The following EYA4 variants were observed in gnomAD, a reference collection of about 807,000 sequenced individuals.
EYA4 encodes protein phosphatase EYA4.
In EYA4, 31 loss-of-function variants were observed where a neutral mutation model predicts 87.9. The observed-to-expected ratio is 0.35, with a 90% CI of 0.27 to 0.48. The LOEUF (loss-of-function observed/expected upper bound fraction) is 0.48. Among genes scored for constraint, EYA4 ranks in the 20% least tolerant of loss-of-function variants. The probability of loss-of-function intolerance (pLI) is 0.99; values close to 1 mark genes in which losing one functional copy is unlikely to be tolerated. For missense variants in EYA4, 678 were observed against 761.4 expected (o/e 0.89, Z 1.29); for synonymous variants, 263 against 270.6 (o/e 0.97, Z 0.28).
intron 16 of EYA4, among the ~76,000 whole-genome samples, chr6:133,513,958 T>C (rs1452833210): frequency 6.6e-6 from 1 of 152,158 alleles, no homozygotes; most frequent in Non-Finnish European, 1.5e-5. Flanking sequence ...TGTTCATATA[T>C]AGTATATAAT....
At chr6:133,330,977 T>C (rs368380691) in intron 2 of EYA4, among the ~76,000 whole-genome samples, 2 of 151,812 alleles carry the variant, frequency 1.3e-5, no homozygotes, top group South Asian at 4.1e-4. Context: ...AATAAACAAA[T>C]TCTGGTTTTC....
intron 2 of EYA4, among the ~76,000 whole-genome samples, chr6:133,358,746 C>CA (rs1345848747): frequency 6.6e-6 from 1 of 152,124 alleles, no homozygotes; most frequent in East Asian, 1.9e-4. Context: ...GAAAAATGGA[C>CA]ATACAGAGTG....
chr6:133,417,656 AT>A (rs1562396605), intron 3 of EYA4, among the ~76,000 whole-genome samples: 1 of 152,128 alleles, frequency 6.6e-6, no homozygotes, highest in Non-Finnish European at 1.5e-5. Context: ...TGTATTGGAT[AT>A]TCATAACATG....
At chr6:133,464,747 C>T (rs1213890819) in intron 9 of EYA4, 32 bp from the exon 10 acceptor site, 16 of 1,309,150 alleles carry the variant, frequency 1.2e-5, no homozygotes, top group Non-Finnish European at 1.8e-5. Context: ...ACAAGGAATA[C>T]TTTTAAAATG....
intron 3 of EYA4, among the ~76,000 whole-genome samples, chr6:133,432,375 G>A (rs1791261295): frequency 6.6e-6 from 1 of 152,184 alleles, no homozygotes; most frequent in African/African-American, 2.4e-5. Context: ...ACTGAACACA[G>A]GGCTGAGCTC....
At chr6:133,256,306 G>A (rs1487618902) in intron 1 of EYA4, among the ~76,000 whole-genome samples, 1 of 151,544 alleles carries the variant, frequency 6.6e-6, no homozygotes, top group African/African-American at 2.4e-5. Context: ...CAAATGTTAG[G>A]AAGAAATAAA....
At chr6:133,379,370 A>C (rs1472686132) in intron 2 of EYA4, among the ~76,000 whole-genome samples, 1 of 152,076 alleles carries the variant, frequency 6.6e-6, no homozygotes, top group Non-Finnish European at 1.5e-5. Flanking sequence ...AGTGTGTTCA[A>C]ATTAGGTAAA....
At chr6:133,330,762 T>G (rs1046699023) in intron 2 of EYA4, among the ~76,000 whole-genome samples, 30 of 151,984 alleles carry the variant, frequency 2.0e-4, no homozygotes, top group Non-Finnish European at 2.9e-5. Flanking sequence ...TTAAATGTTT[T>G]CACCTCTAAA....
intron 3 of EYA4, among the ~76,000 whole-genome samples, chr6:133,391,309 A>G (rs1455322160): frequency 6.8e-6 from 1 of 147,750 alleles, no homozygotes; most frequent in African/African-American, 2.5e-5. Flanking sequence ...GGCTCACCAC[A>G]ACCTCCACCT....
chr6:133,257,186 A>G (rs1015228318), intron 1 of EYA4, among the ~76,000 whole-genome samples: 5 of 152,292 alleles, frequency 3.3e-5, no homozygotes, highest in Middle Eastern at 6.8e-3. Context: ...ATATATTTCC[A>G]GAAGCACTCA....
At position 133,526,014 on chromosome 6, in the gene EYA4, T is replaced by A. The variant is rs1001762148; in HGVS notation, c.1839+760T>A. ...TTCAGAAGATCCCATGGGCCCTAAG[T>A]ATTTTAATAAGCCTTTTCATCTGGC... On this transcript the variant is annotated intron_variant, in intron 19 of 19. Coordinates refer to ENST00000355286, the MANE Select transcript of EYA4 (RefSeq NM_004100.5). The A allele has an allele frequency of 5.4e-6, 3 of 556,826 alleles. No homozygotes were observed. In the African/African-American group the frequency reaches 6.1e-5, roughly 11 times the overall value. The allele number at this position is 556,826 out of a possible 1,614,324, so 34.5% of individuals were successfully genotyped here. A position where few individuals can be genotyped will look rare whatever the true frequency, so the allele number is the denominator to read the frequency against.
chr6:133,256,383 G>A (rs1775338667), intron 1 of EYA4, among the ~76,000 whole-genome samples: 3 of 151,664 alleles, frequency 2.0e-5, no homozygotes, highest in African/African-American at 7.3e-5. Flanking sequence ...AGAATTATTA[G>A]GAGAAATGGT....
chr6:133,249,323 T>TA (rs747798580), intron 1 of EYA4, among the ~76,000 whole-genome samples: 2 of 152,200 alleles, frequency 1.3e-5, no homozygotes, highest in Non-Finnish European at 2.9e-5. Flanking sequence ...TCATAACAAA[T>TA]ATAGTTATAA....
chr6:133,260,046 T>C (rs1775669444), intron 1 of EYA4, among the ~76,000 whole-genome samples: 1 of 152,228 alleles, frequency 6.6e-6, no homozygotes, highest in Admixed American at 6.6e-5. Context: ...AACATTTTTA[T>C]GGTTCTCTTC....
At chr6:133,349,444 T>TTATGCACTTAA (rs1783464856) in intron 2 of EYA4, among the ~76,000 whole-genome samples, 1 of 152,232 alleles carries the variant, frequency 6.6e-6, no homozygotes, top group Non-Finnish European at 1.5e-5. Flanking sequence ...TTGACACATA[T>TTATGCACTTAA]TATGCACTTA....
intron 11 of EYA4, among the ~76,000 whole-genome samples, chr6:133,475,441 TAGC>T (rs1795639385): frequency 6.6e-6 from 1 of 152,070 alleles, no homozygotes; most frequent in Non-Finnish European, 1.5e-5. Flanking sequence ...TACAATACAT[TAGC>T]TAACTGAACC....
chr6:133,530,209 T>C lies in EYA4; in HGVS notation c.*1404T>C, dbSNP rs1800927707. On this transcript the variant is annotated 3_prime_UTR_variant, in exon 20 of 20. Coordinates refer to ENST00000355286, the MANE Select transcript of EYA4 (RefSeq NM_004100.5). ...CAGTAAAATAATACCTGGTTCTCCA[T>C]CTGAATACATCAATGCAGGTTCTCC... 1 of 985,440 alleles carries C rather than the reference T, an allele frequency of 1.0e-6. No individual in the cohort carries two copies. Among genetic ancestry groups the C allele is most frequent in the Non-Finnish European group, 1.2e-6 (1 of 829,926 alleles). 61.0% of individuals were successfully genotyped at this position (985,440 alleles called of 1,614,324 possible).
chr6:133,502,931 C>CAGTT (rs1207160396), intron 13 of EYA4, among the ~76,000 whole-genome samples: 1 of 152,128 alleles, frequency 6.6e-6, no homozygotes, highest in Non-Finnish European at 1.5e-5. Flanking sequence ...TAAACTTTCC[C>CAGTT]AGTTACAAAT....
At chr6:133,261,169 C>T (rs761543370) in intron 1 of EYA4, among the ~76,000 whole-genome samples, 6 of 152,170 alleles carry the variant, frequency 3.9e-5, no homozygotes, top group African/African-American at 1.2e-4. Context: ...TCACTTGGAG[C>T]GTCACAGCAG....
Sources: allele counts gnomAD v4.1 joint callset (sites outside exome capture counted in the v4.1 genomes callset), GRCh38; gene constraint gnomAD v4.1.1; transcripts MANE v1.5; gene names NCBI Gene and HGNC (gene_info 2026-07-23, HGNC 2026-07-21).